Variants in PRKN observed in about 807,000 individuals in gnomAD.
PRKN encodes the protein parkin RBR E3 ubiquitin protein ligase, also known as E3 ubiquitin-protein ligase parkin.
Under a neutral mutation model 59.5 loss-of-function variants are expected in PRKN, and 56 were observed. That is an observed-to-expected ratio of 0.94 (90% CI 0.76 to 1.18). PRKN has a LOEUF of 1.18. Ranked by LOEUF, PRKN falls within the 50% of genes most tolerant of loss-of-function variation. The pLI is 0.00. For synonymous variants in PRKN, 250 were observed against 222.1 expected, an observed-to-expected ratio of 1.13 and a Z score of -1.12; for missense variants, 657 against 596.4, an observed-to-expected ratio of 1.10 and a Z score of -1.06.
chr6:161,441,819 G>A (rs537080009), intron 9 of PRKN, among the ~76,000 whole-genome samples: 2 of 152,274 alleles, frequency 1.3e-5, no homozygotes, highest in South Asian at 4.1e-4. Flanking sequence ...CCTGCCTGGG[G>A]GCTCCTCGGC....
chr6:162,389,019 A>AAAC (rs1787019030), intron 2 of PRKN, among the ~76,000 whole-genome samples: 1 of 149,828 alleles, frequency 6.7e-6, no homozygotes, highest in African/African-American at 2.5e-5. Flanking sequence ...AAAAAAAAAA[A>AAAC]AAAAACAAAA....
chr6:162,099,627 A>C (rs1165465113), intron 4 of PRKN, among the ~76,000 whole-genome samples: 4 of 152,234 alleles, frequency 2.6e-5, no homozygotes. Flanking sequence ...TTAGCATTGC[A>C]AGCACAGTAC....
Position 161,956,296 on chromosome 6 carries a change from C to T in PRKN, c.734+17006G>A, listed in dbSNP as rs537429412. Among the ~76,000 whole-genome samples the T allele has an allele frequency of 5.9e-5, 9 of 152,252 alleles. No homozygotes were observed. In the South Asian group the frequency reaches 6.2e-4, roughly 11 times the overall value. On this transcript the variant is annotated intron_variant, in intron 6 of 11. Transcript: ENST00000366898. ...AAATGTTCACCAAAGGCTAACTCAG[C>T]GGGTGTCCTTGAGCACCACTGAGCC...
chr6:162,713,732 T>C (rs531510489), intron 1 of PRKN, among the ~76,000 whole-genome samples: 1 of 152,206 alleles, frequency 6.6e-6, no homozygotes, highest in Non-Finnish European at 1.5e-5. Flanking sequence ...TAGCTATACT[T>C]ATACTGTTTT....
At chr6:161,753,471 T>C (rs1788779395) in intron 7 of PRKN, among the ~76,000 whole-genome samples, 1 of 152,198 alleles carries the variant, frequency 6.6e-6, no homozygotes, top group Admixed American at 6.5e-5. Context: ...GGGGACAACA[T>C]ATGGCAACCA....
rs1443026140 is a variant in PRKN, at chr6:161,584,007, T to G, written c.872-14591A>C. Reference sequence around the variant, plus strand: ...TTCCTGCCAAAACACTCTTCAGAATTTGTCTACAAACTTAACACCACCAAT... The same window carrying G: ...TTCCTGCCAAAACACTCTTCAGAATGTGTCTACAAACTTAACACCACCAAT... On this transcript the variant is annotated intron_variant, in intron 7 of 11. Transcript: ENST00000366898. This position sits in a 1 kb window ranked among gnomAD's most constrained non-coding sequence, Gnocchi z 4.8. Among the ~76,000 whole-genome samples, 1 of 152,180 alleles carries G rather than the reference T, an allele frequency of 6.6e-6. No homozygotes were observed. The highest frequency in any genetic ancestry group is 1.5e-5 in the Non-Finnish European group (1 of 68,036).
intron 2 of PRKN, among the ~76,000 whole-genome samples, chr6:162,345,236 T>A (rs549642623): frequency 8.5e-5 from 13 of 152,306 alleles, no homozygotes; most frequent in African/African-American, 3.1e-4. Context: ...GCACTTTCTG[T>A]CTAGCATTGA....
chr6:162,174,548 C>CAT (rs922530499), intron 4 of PRKN, among the ~76,000 whole-genome samples: 4 of 151,688 alleles, frequency 2.6e-5, no homozygotes, highest in Admixed American at 1.3e-4. Flanking sequence ...TGATATGAAA[C>CAT]ACAGTATTTT....
intron 6 of PRKN, among the ~76,000 whole-genome samples, chr6:161,899,026 C>T (rs1002641070): frequency 6.6e-6 from 1 of 152,250 alleles, no homozygotes; most frequent in Non-Finnish European, 1.5e-5. Flanking sequence ...CCCAAAGCAT[C>T]GCTTACTTGA....
At chr6:161,837,768 A>G (rs1357520032) in intron 6 of PRKN, among the ~76,000 whole-genome samples, 1 of 152,188 alleles carries the variant, frequency 6.6e-6, no homozygotes, top group Non-Finnish European at 1.5e-5. Flanking sequence ...TTGGGAAATA[A>G]GTCTGAAGAA....
At chr6:161,987,981 A>G (rs1188197194) in intron 5 of PRKN, among the ~76,000 whole-genome samples, 1 of 152,166 alleles carries the variant, frequency 6.6e-6, no homozygotes, top group East Asian at 1.9e-4. Context: ...TGTTAGAGTG[A>G]ACGATGCTCC....
At chr6:162,582,063 A>C (rs1015544685) in intron 1 of PRKN, among the ~76,000 whole-genome samples, 1 of 152,216 alleles carries the variant, frequency 6.6e-6, no homozygotes, top group Admixed American at 6.5e-5. Flanking sequence ...CACTATAGTC[A>C]AGTCATTTAA....
intron 1 of PRKN, among the ~76,000 whole-genome samples, chr6:162,490,126 A>T (rs1792735980): frequency 6.6e-6 from 1 of 152,136 alleles, no homozygotes; most frequent in Non-Finnish European, 1.5e-5. Context: ...AGGTTTTCAT[A>T]AAGAGGGAAG....
chr6:162,222,696 G>A (rs954203725), intron 3 of PRKN, among the ~76,000 whole-genome samples: 1 of 152,124 alleles, frequency 6.6e-6, no homozygotes, highest in African/African-American at 2.4e-5. Context: ...GGTCAGACCT[G>A]AGGAAATGCG....
In PRKN at chr6:161,536,746, G is replaced by C. The variant is rs566585365; in HGVS notation, c.1083+12108C>G. Among the ~76,000 whole-genome samples the C allele has an allele frequency of 4.6e-5, 7 of 152,262 alleles. No homozygotes were observed. The South Asian group carries it at 8.3e-4, about 18-fold the overall frequency. Reference sequence around the variant, plus strand: ...TAATGTGATGCTCAGAATATTAAAAGCATACCCAGTAAGTGTTTTATCTAA... The same window carrying C: ...TAATGTGATGCTCAGAATATTAAAACCATACCCAGTAAGTGTTTTATCTAA... On this transcript the variant is annotated intron_variant, in intron 9 of 11. Transcript: ENST00000366898.
At chr6:161,953,511 C>T (rs1436625267) in intron 6 of PRKN, among the ~76,000 whole-genome samples, 1 of 152,154 alleles carries the variant, frequency 6.6e-6, no homozygotes, top group Non-Finnish European at 1.5e-5. Flanking sequence ...TAAATACAAA[C>T]AGCCAGGTTT....
chr6:162,631,843 T>C (rs1049310241), intron 1 of PRKN, among the ~76,000 whole-genome samples: 1 of 152,118 alleles, frequency 6.6e-6, no homozygotes, highest in Non-Finnish European at 1.5e-5. Context: ...TAATCTTTGG[T>C]CCATTTTTAG....
chr6:162,505,037 A>C (rs1398046381), intron 1 of PRKN, among the ~76,000 whole-genome samples: 1 of 152,164 alleles, frequency 6.6e-6, no homozygotes, highest in South Asian at 2.1e-4. Context: ...GATTCCGAAG[A>C]TACTAAGGGA....
intron 9 of PRKN, among the ~76,000 whole-genome samples, chr6:161,411,376 G>T (rs1465608048): frequency 1.3e-5 from 2 of 152,170 alleles, no homozygotes; most frequent in Non-Finnish European, 2.9e-5. Context: ...TGTAAGACAT[G>T]CCTTTGCTCC....
Sources: gnomAD v4.1 joint callset for allele counts (sites outside exome capture counted in the v4.1 genomes callset) on GRCh38, gnomAD v4.1.1 for gene constraint, Gnocchi (gnomAD v3.1) non-coding constraint, MANE v1.5 for transcripts, NCBI Gene and HGNC (gene_info 2026-07-23, HGNC 2026-07-21) for gene names.